Variants in JAK1 observed in about 807,000 individuals in gnomAD.
The protein encoded by JAK1 is tyrosine-protein kinase JAK1.
Under a neutral mutation model 136.6 loss-of-function variants are expected in JAK1, and 16 were observed. That is an observed-to-expected ratio of 0.12 (90% CI 0.08 to 0.18). JAK1 has a LOEUF of 0.18. Among genes scored for constraint, JAK1 ranks in the 10% least tolerant of loss-of-function variants. The pLI, the probability that JAK1 is intolerant of heterozygous loss-of-function variation, is 1.00. For missense variants in JAK1, 859 were observed against 1,450.1 expected, an observed-to-expected ratio of 0.59 and a Z score of 6.62; for synonymous variants, 492 against 519.5, an observed-to-expected ratio of 0.95 and a Z score of 0.72.
chr1:64,931,354 C>T (rs1017812911), intron 1 of JAK1, among the ~76,000 whole-genome samples: 7 of 152,148 alleles, frequency 4.6e-5, no homozygotes, highest in South Asian at 2.1e-4. Flanking sequence ...ACTACAACTC[C>T]CATAAGAAGG....
At chr1:64,905,807 C>T (rs1413644881) in intron 1 of JAK1, among the ~76,000 whole-genome samples, 1 of 152,134 alleles carries the variant, frequency 6.6e-6, no homozygotes, top group East Asian at 1.9e-4. Flanking sequence ...CTCACATGAT[C>T]CCTACAAACA....
At position 65,055,770 on chromosome 1, in the gene JAK1, C is replaced by T. The variant is rs551169212; in HGVS notation, c.-180-11188G>A. On this transcript the variant is annotated intron_variant, in intron 1 of 25. Transcript: ENST00000671954. ...TCCAGGCAAGCTTCTGGAGCTCCTG[C>T]TGCAGACTAAGCCTCAGCCTTCTTG... Among the ~76,000 whole-genome samples, 4 of 152,312 alleles carry T rather than the reference C, an allele frequency of 2.6e-5. No individual in the cohort carries two copies. The South Asian group carries it at 8.3e-4, about 32-fold the overall frequency.
At chr1:65,036,136 CACA>C (rs1470621408) in intron 2 of JAK1, among the ~76,000 whole-genome samples, 1 of 151,918 alleles carries the variant, frequency 6.6e-6, no homozygotes, top group Non-Finnish European at 1.5e-5. Context: ...GTGATGGTCG[CACA>C]ACAACATGTA....
chr1:65,020,672 A>C (rs546828), intron 2 of JAK1, among the ~76,000 whole-genome samples: 34,820 of 152,112 alleles, frequency 0.23, 5,145 homozygotes, highest in East Asian at 0.39. Context: ...AATAAATCTT[A>C]TCTGATTTTA....
intron 8 of JAK1, among the ~76,000 whole-genome samples, chr1:64,864,218 C>A (rs543256321): frequency 3.9e-5 from 6 of 152,326 alleles, no homozygotes; most frequent in African/African-American, 1.4e-4. Flanking sequence ...GCTGTGACTT[C>A]CCCTGACACA....
chr1:65,049,706 C>T (rs1647232084), intron 1 of JAK1, among the ~76,000 whole-genome samples: 1 of 152,136 alleles, frequency 6.6e-6, no homozygotes, highest in South Asian at 2.1e-4. Context: ...AGTTCCAAGC[C>T]ATCACCCACA....
chr1:64,945,623 G>C (rs1645970862), intron 1 of JAK1, among the ~76,000 whole-genome samples: 1 of 151,950 alleles, frequency 6.6e-6, no homozygotes, highest in African/African-American at 2.4e-5. Flanking sequence ...ACATTAATAG[G>C]TCCTAGAGAT....
intron 1 of JAK1, among the ~76,000 whole-genome samples, chr1:64,900,000 T>C (rs1321562284): frequency 1.3e-5 from 2 of 152,200 alleles, no homozygotes; most frequent in East Asian, 3.8e-4. Flanking sequence ...TTTGTGATAG[T>C]AGTTACTTCA....
In JAK1 at chr1:64,901,791, T is replaced by C. The variant is rs115395857; in HGVS notation, c.-77-15450A>G. Among the ~76,000 whole-genome samples the C allele has an allele frequency of 5.8e-3, 878 of 152,202 alleles. 5 individuals carry two copies. The highest frequency in any genetic ancestry group is 7.3e-3 in the Non-Finnish European group (496 of 67,998). On this transcript the variant is annotated intron_variant, in intron 1 of 24. Transcript: ENST00000342505. ...ACCCCAAAAAGAAACCCCATGTCAC[T>C]CTCCATTCTCCCCTATCGCATCCCC...
chr1:65,011,080 G>T (rs1646844885), intron 2 of JAK1, among the ~76,000 whole-genome samples: 1 of 152,104 alleles, frequency 6.6e-6, no homozygotes, highest in Admixed American at 6.6e-5. Flanking sequence ...TCATGTATAT[G>T]ATCTTTTCTT....
At chr1:64,882,751 C>T (rs1644793428) in intron 3 of JAK1, among the ~76,000 whole-genome samples, 1 of 152,160 alleles carries the variant, frequency 6.6e-6, no homozygotes, top group South Asian at 2.1e-4. Flanking sequence ...AACTTGGGAA[C>T]TTGACTAAGC....
intron 1 of JAK1, among the ~76,000 whole-genome samples, chr1:64,889,883 C>A (rs543903884): frequency 6.6e-6 from 1 of 152,292 alleles, no homozygotes; most frequent in South Asian, 2.1e-4. Context: ...AGGGCCACTG[C>A]CAGATTTTTA....
rs2100964315 is a variant in JAK1, at chr1:64,839,798, G to A, written c.2650-3C>T. ...AGCTCAACCTTCCCAAAGTGGCCCT[G>A]GAGGGAAAGATGCATGTGCTGTTAT... is the stretch of plus-strand genomic sequence containing the variant. On this transcript the variant is annotated splice_region_variant and splice_polypyrimidine_tract_variant and intron_variant, in intron 19 of 24. Transcript: ENST00000342505. 1 of 1,601,826 alleles carries A rather than the reference G, an allele frequency of 6.2e-7. No homozygotes were observed. The highest frequency in any genetic ancestry group is 8.5e-7 in the Non-Finnish European group (1 of 1,173,610).
At chr1:65,066,019 A>C (rs1385423616) in intron 1 of JAK1, among the ~76,000 whole-genome samples, 1 of 152,058 alleles carries the variant, frequency 6.6e-6, no homozygotes, top group Admixed American at 6.5e-5. Flanking sequence ...TGCCAAATTA[A>C]ATCAGCAGGT....
intron 1 of JAK1, among the ~76,000 whole-genome samples, chr1:64,899,558 A>G (rs1172452450): frequency 6.6e-6 from 1 of 152,192 alleles, no homozygotes; most frequent in African/African-American, 2.4e-5. Context: ...AAATCAAAAA[A>G]TCTGAAGTCT....
At chr1:64,913,483 G>T (rs1412040016) in intron 1 of JAK1, among the ~76,000 whole-genome samples, 1 of 151,926 alleles carries the variant, frequency 6.6e-6, no homozygotes, top group Non-Finnish European at 1.5e-5. Flanking sequence ...CTAGAAATTG[G>T]TCATACAATG....
At chr1:64,953,254 T>A (rs1646122820) in intron 1 of JAK1, among the ~76,000 whole-genome samples, 1 of 152,252 alleles carries the variant, frequency 6.6e-6, no homozygotes, top group East Asian at 1.9e-4. Flanking sequence ...AGGCACTGTC[T>A]GAAGCTATTT....
chr1:65,064,278 A>G (rs1027395163), intron 1 of JAK1, among the ~76,000 whole-genome samples: 1 of 152,200 alleles, frequency 6.6e-6, no homozygotes, highest in African/African-American at 2.4e-5. Flanking sequence ...CCCTAGCCAT[A>G]TTTCAGGTGG....
At chr1:64,892,785 A>C (rs911553958) in intron 1 of JAK1, among the ~76,000 whole-genome samples, 4 of 152,178 alleles carry the variant, frequency 2.6e-5, no homozygotes, top group Non-Finnish European at 5.9e-5. Flanking sequence ...GAGAGGTGAG[A>C]TAGGTCTCAA....
Sources: allele counts gnomAD v4.1 joint callset (sites outside exome capture counted in the v4.1 genomes callset), GRCh38; gene constraint gnomAD v4.1.1; transcripts MANE v1.5; gene names NCBI Gene and HGNC (gene_info 2026-07-23, HGNC 2026-07-21).